SLC15A4: variants seen among roughly 807,000 people sequenced by gnomAD.
The protein encoded by SLC15A4 is hPHT1.
SLC15A4 carries 26 observed loss-of-function variants against 46.1 expected under a neutral mutation model. That is an observed-to-expected ratio of 0.56 (90% CI 0.41 to 0.78). The LOEUF (loss-of-function observed/expected upper bound fraction) is 0.78, where lower values mean the gene tolerates loss of function less well. Among genes scored for constraint, SLC15A4 ranks in the 30% least tolerant of loss-of-function variants. The pLI, the probability that SLC15A4 is intolerant of heterozygous loss-of-function variation, is 0.00. For missense variants in SLC15A4, 751 were observed against 755.7 expected (o/e 0.99, Z 0.07); for synonymous variants, 370 against 333.4 (o/e 1.11, Z -1.20).
intron 5 of SLC15A4, among the ~76,000 whole-genome samples, chr12:128,802,437 A>G (rs1955528285): frequency 6.6e-6 from 1 of 152,154 alleles, no homozygotes; most frequent in African/African-American, 2.4e-5. Context: ...AGCTGACTAC[A>G]CTGGTCCCCA....
intron 7 of SLC15A4, among the ~76,000 whole-genome samples, chr12:128,796,439 A>C (rs1210813861): frequency 1.2e-5 from 1 of 82,658 alleles, no homozygotes; most frequent in Non-Finnish European, 3.0e-5. Context: ...CAAAAAAAAA[A>C]AAAAAAAAAA....
At chr12:128,807,487 G>T (rs571656944) in intron 5 of SLC15A4, among the ~76,000 whole-genome samples, 2 of 152,370 alleles carry the variant, frequency 1.3e-5, no homozygotes, top group South Asian at 4.1e-4. Context: ...ATCAACCAGT[G>T]TGGTGACGGG....
At chr12:128,798,879 G>C (rs917598523) in intron 7 of SLC15A4, among the ~76,000 whole-genome samples, 1 of 152,202 alleles carries the variant, frequency 6.6e-6, no homozygotes, top group Admixed American at 6.5e-5. Flanking sequence ...ACACCACCAA[G>C]TTAAAGAAAG....
In SLC15A4 at chr12:128,823,529, G is replaced by C. The variant is rs1241746103; in HGVS notation, c.415C>G (p.Leu139Val). 4 of 1,470,656 alleles carry C rather than the reference G, an allele frequency of 2.7e-6. No individual in the cohort carries two copies. The highest frequency in any genetic ancestry group is 2.4e-5 in the Admixed American group (1 of 41,010). The allele number at this position is 1,470,656 out of a possible 1,614,324, so 91.1% of individuals were successfully genotyped here. A position where few individuals can be genotyped will look rare whatever the true frequency, so the allele number is the denominator to read the frequency against. ...TCGGGACCAGGCGCCGTGCAGTTGAGCAGGCGCGCGGAACCGCAGAGCGCG... is the reference window on the plus strand; with the variant it reads ...TCGGGACCAGGCGCCGTGCAGTTGACCAGGCGCGCGGAACCGCAGAGCGCG... ...RAALCGSARLLNCTAPGPDAA... is the reference protein window; with the variant it reads ...RAALCGSARLVNCTAPGPDAA... The change falls in exon 1 of 8, where the codon CTC becomes GTC. Residue 139 changes from leucine (L) to valine (V), a missense_variant. By Grantham distance (32) the Leu-to-Val change is conservative (BLOSUM62 1). Coordinates refer to ENST00000266771, the MANE Select transcript of SLC15A4 (RefSeq NM_145648.4).
chr12:128,794,942 T>G (rs1955428073), intron 7 of SLC15A4, among the ~76,000 whole-genome samples: 1 of 152,218 alleles, frequency 6.6e-6, no homozygotes, highest in Admixed American at 6.5e-5. Context: ...TCTGAGGCAG[T>G]GTTCCTCTCC....
intron 5 of SLC15A4, among the ~76,000 whole-genome samples, chr12:128,802,273 C>T (rs1191605997): frequency 6.6e-6 from 1 of 152,188 alleles, no homozygotes; most frequent in Admixed American, 6.5e-5. Flanking sequence ...CCCCAAATGA[C>T]AGCCTTCCTC....
intron 7 of SLC15A4, among the ~76,000 whole-genome samples, chr12:128,797,875 G>A (rs185732271): frequency 1.9e-3 from 289 of 152,318 alleles, no homozygotes; most frequent in African/African-American, 6.1e-3. Flanking sequence ...AACCAAGGAG[G>A]CTGCCATGCA....
chr12:128,823,675 G>A lies in SLC15A4; in HGVS notation c.269C>T (p.Pro90Leu). Residue 90 changes from proline (P) to leucine (L), a missense_variant, in exon 1 of 8, where the codon CCG (proline) becomes CTG (leucine). Transcript: ENST00000266771. The stretch of plus-strand genomic sequence containing the variant: ...CGCGTCGGCCAGCCAGCCTCCGAAC[G>A]GCGAGCCCAGGTAGGTGAGGCCCAT... Reference protein sequence around the residue: ...LFMGLTYLGSPFGGWLADARL... With the variant: ...LFMGLTYLGSLFGGWLADARL... 6.7e-7 allele frequency: 1 copy of A among 1,501,858 alleles called. No individual in the cohort carries two copies. The highest frequency in any genetic ancestry group is 8.8e-7 in the Non-Finnish European group (1 of 1,131,744). The allele number at this position is 1,501,858 out of a possible 1,614,324, so 93.0% of individuals were successfully genotyped here.
intron 1 of SLC15A4, among the ~76,000 whole-genome samples, chr12:128,821,281 C>G (rs1394880610): frequency 1.3e-5 from 2 of 152,248 alleles, no homozygotes; most frequent in Admixed American, 6.5e-5. Flanking sequence ...CCTCCACTGC[C>G]TCCACTCTAG....
rs1404706415 is a variant in SLC15A4 at position 128,799,350 on chromosome 12, G to T, written c.1482C>A (p.Phe494Leu). 1.2e-6 allele frequency: 2 copies of T among 1,614,176 alleles called. No individual in the cohort carries two copies. The highest frequency in any genetic ancestry group is 2.2e-5 in the East Asian group (1 of 44,888). Residue 494 changes from phenylalanine (F) to leucine (L), a missense_variant, in exon 7 of 8, where the codon TTC (phenylalanine) becomes TTA (leucine). Coordinates refer to ENST00000266771, the MANE Select transcript of SLC15A4 (RefSeq NM_145648.4). ...MQSAIMGLFFFFSGVGSFVGS... is the reference protein window; with the variant it reads ...MQSAIMGLFFLFSGVGSFVGS... ...CCACGAACGACCCGACGCCAGAGAA[G>T]AAAAAGAACAAGCCCATTATGGCAC...
At chr12:128,797,079 T>C (rs1399926840) in intron 7 of SLC15A4, among the ~76,000 whole-genome samples, 2 of 152,102 alleles carry the variant, frequency 1.3e-5, no homozygotes, top group Non-Finnish European at 2.9e-5. Flanking sequence ...CACAGGAAGA[T>C]GGCAAACACT....
intron 4 of SLC15A4, 45 bp downstream of exon 4, chr12:128,809,351 A>C: frequency 7.8e-7 from 1 of 1,275,542 alleles, no homozygotes; most frequent in Non-Finnish European, 1.1e-6. Flanking sequence ...CATTTATTAC[A>C]TAAGTCCAAA....
In SLC15A4 at chr12:128,794,262, T is replaced by C. The variant is rs781036627; in HGVS notation, c.1668A>G (p.Lys556=). Residue 556 remains lysine, a synonymous_variant, in exon 8 of 8, where the codon AAA becomes AAG. Coordinates refer to ENST00000266771, the MANE Select transcript of SLC15A4 (RefSeq NM_145648.4). ...GCTGATGGTCTCGATGATGGTCATA[T>C]TTCACAGAAATAATGAGGAAAAGCA... ...TLLLFLIISV[K]YDHHRDHQRS... The C allele has an allele frequency of 1.9e-5, 30 of 1,613,962 alleles. No homozygotes were observed. Among genetic ancestry groups the C allele is most frequent in the Non-Finnish European group, 5.9e-6 (7 of 1,179,980 alleles).
At chr12:128,816,824 CAAAAG>C (rs1461694191) in intron 1 of SLC15A4, among the ~76,000 whole-genome samples, 1 of 149,042 alleles carries the variant, frequency 6.7e-6, no homozygotes, top group East Asian at 2.0e-4. Flanking sequence ...GGCCCTGTCT[CAAAAG>C]AAAAAAAAAG....
Position 128,823,818 on chromosome 12 carries a change from C to G in SLC15A4, c.126G>C (p.Leu42=). 6.8e-7 allele frequency: 1 copy of G among 1,472,854 alleles called. No homozygotes were observed. The highest frequency in any genetic ancestry group is 9.0e-7 in the Non-Finnish European group (1 of 1,114,966). The allele number at this position is 1,472,854 out of a possible 1,614,324, so 91.2% of individuals were successfully genotyped here. The change falls in exon 1 of 8, where the codon CTG becomes CTC. Residue 42 remains leucine (L), a synonymous_variant. Transcript: ENST00000266771. ...GRRAACGAVL[L]TELLERAAFY... is the part of the protein sequence containing the mutation. ...AAGCGGCGCGCTCCAGCAGCTCCGTCAGCAGCACGGCCCCGCACGCCGCGC... is the reference window on the plus strand; with the variant it reads ...AAGCGGCGCGCTCCAGCAGCTCCGTGAGCAGCACGGCCCCGCACGCCGCGC...
rs1400620001 is a variant in SLC15A4, at chr12:128,809,310, T to C, written c.1089+86A>G. Reference sequence around the variant, plus strand: ...CTTTTGTGTCGGTGCTGTTAACATTTATAAAAGATTTACAGTTGGTAGAAG... The same window carrying C: ...CTTTTGTGTCGGTGCTGTTAACATTCATAAAAGATTTACAGTTGGTAGAAG... On this transcript the variant is annotated intron_variant, in intron 4 of 7. Transcript: ENST00000266771. 5 of 861,292 alleles carry C rather than the reference T, an allele frequency of 5.8e-6. No homozygotes were observed. The East Asian group carries it at 7.5e-5, about 13-fold the overall frequency. The allele number at this position is 861,292 out of a possible 1,614,324, so 53.4% of individuals were successfully genotyped here.
At chr12:128,798,246 T>A (rs954074645) in intron 7 of SLC15A4, among the ~76,000 whole-genome samples, 12 of 152,184 alleles carry the variant, frequency 7.9e-5, no homozygotes, top group Admixed American at 7.9e-4. Flanking sequence ...CACAAGAGGA[T>A]CTTATTCCTC....
chr12:128,802,938 G>A (rs531076348), intron 5 of SLC15A4, among the ~76,000 whole-genome samples: 45 of 152,298 alleles, frequency 3.0e-4, no homozygotes, highest in Non-Finnish European at 5.3e-4. Context: ...CCCCAGTCAC[G>A]AGCGAGGCGG....
intron 2 of SLC15A4, 99 bp from the exon 3 acceptor site, chr12:128,810,210 A>G (rs974779760): frequency 6.8e-6 from 8 of 1,174,758 alleles, no homozygotes; most frequent in African/African-American, 6.1e-5. Context: ...AGCTCACTGT[A>G]TTGAATCTGC....
Sources: allele counts gnomAD v4.1 joint callset (sites outside exome capture counted in the v4.1 genomes callset), GRCh38; gene constraint gnomAD v4.1.1; transcripts MANE v1.5; gene names NCBI Gene and HGNC (gene_info 2026-07-23, HGNC 2026-07-21).